Variants in SP100 observed in about 807,000 individuals in gnomAD.
The protein encoded by SP100 is SP100 nuclear body protein, also known as nuclear autoantigen Sp-100.
SP100 carries 84 observed loss-of-function variants against 130.0 expected under a neutral mutation model. The ratio of observed to expected loss-of-function variants is 0.65; its 90% CI spans 0.54 to 0.77. The LOEUF is 0.77. Among genes scored for constraint, SP100 ranks in the 30% least tolerant of loss-of-function variants. The probability of loss-of-function intolerance (pLI) is 0.00; values close to 1 mark genes in which losing one functional copy is unlikely to be tolerated. For synonymous variants in SP100, 331 were observed against 351.7 expected, an observed-to-expected ratio of 0.94 and a Z score of 0.66; for missense variants, 978 against 1,052.2, an observed-to-expected ratio of 0.93 and a Z score of 0.97.
intron 17 of SP100, among the ~76,000 whole-genome samples, chr2:230,485,726 G>A (rs1160864784): frequency 6.6e-6 from 1 of 152,096 alleles, no homozygotes; most frequent in African/African-American, 2.4e-5. Context: ...TTGTATACAT[G>A]ATAAAATGTT....
At chr2:230,508,311 C>A in intron 23 of SP100, 2 of 146,854 alleles carry the variant, frequency 1.4e-5, no homozygotes, top group Non-Finnish European at 2.5e-5. Flanking sequence ...AAATGCCATA[C>A]TTTTTTTTTT....
Position 230,541,368 on chromosome 2 carries a change from A to C in SP100, c.2399A>C (p.Tyr800Ser), listed in dbSNP as rs373424263. ...AGCTGCTTTTTCGCCTCAGAACCGT[A>C]TTATGTAAGTAACAGCCAAACAAAA... is the stretch of plus-strand genomic sequence containing the variant. ...SKSCFFASEPYYNREGSQGPQ... is the reference protein window; with the variant it reads ...SKSCFFASEPSYNREGSQGPQ... Residue 800 changes from tyrosine (Y) to serine (S), a missense_variant, in exon 27 of 29, where the codon TAT becomes TCT. Physicochemically the swap from Tyr to Ser is moderately radical, Grantham distance 144. Transcript: ENST00000340126. 1.9e-6 allele frequency: 3 copies of C among 1,612,858 alleles called. No homozygotes were observed. Among genetic ancestry groups the C allele is most frequent in the Non-Finnish European group, 2.5e-6 (3 of 1,179,030 alleles).
chr2:230,436,159 T>C lies in SP100; in HGVS notation c.108-6778T>C, dbSNP rs985070070. On this transcript the variant is annotated intron_variant, in intron 2 of 28. Coordinates refer to ENST00000340126, the MANE Select transcript of SP100 (RefSeq NM_001080391.2). Reference sequence around the variant, plus strand: ...TTAGATCTTATTTAATTTTCTTCAATAAGATTTTTATAGTTTTCTTCATAC... The same window carrying C: ...TTAGATCTTATTTAATTTTCTTCAACAAGATTTTTATAGTTTTCTTCATAC... Among the ~76,000 whole-genome samples the C allele has an allele frequency of 6.6e-5, 10 of 152,350 alleles. No homozygotes were observed. The South Asian group carries it at 1.0e-3, about 16-fold the overall frequency.
rs749061914 is a variant in SP100 at position 230,543,890 on chromosome 2, G to A, written c.*944G>A. 18 of 151,988 alleles carry A rather than the reference G, an allele frequency of 1.2e-4. No individual in the cohort carries two copies. The highest frequency in any genetic ancestry group is 2.1e-4 in the Non-Finnish European group (14 of 68,000). The allele number at this position is 151,988 out of a possible 1,614,324, so 9.4% of individuals were successfully genotyped here. ...AAAAGAACAAAGCTGAAGGCATCACGTTACCCCACTTCAAACTATATTACA... is the reference window on the plus strand; with the variant it reads ...AAAAGAACAAAGCTGAAGGCATCACATTACCCCACTTCAAACTATATTACA... On this transcript the variant is annotated 3_prime_UTR_variant, in exon 29 of 29. Transcript: ENST00000340126.
At chr2:230,511,047 TAAA>T in intron 23 of SP100, 75 bp from the exon 24 acceptor site, 2 of 968,222 alleles carry the variant, frequency 2.1e-6, no homozygotes, top group South Asian at 2.6e-5. Flanking sequence ...CCCTTAAAAA[TAAA>T]GAAGTCTGTT....
chr2:230,525,968 G>A (rs1678152), intron 24 of SP100, among the ~76,000 whole-genome samples: 24,834 of 152,232 alleles, frequency 0.16, 2,451 homozygotes, highest in Non-Finnish European at 0.22. Context: ...TTCCACCTAT[G>A]GGGGCAGGGC....
intron 17 of SP100, among the ~76,000 whole-genome samples, chr2:230,477,643 G>T (rs2065624498): frequency 6.6e-6 from 1 of 152,158 alleles, no homozygotes; most frequent in Middle Eastern, 3.4e-3. Context: ...TTTTGTAATT[G>T]AAGGCACTAC....
Position 230,530,597 on chromosome 2 carries a change from AG to A in SP100, c.2095-8669del, listed in dbSNP as rs528771697. Reference sequence around the variant, plus strand: ...AGACAAATGGGTTCTAATTAAATAAAGAGCTTCTGCACAGCAAAAGAACCTA... The same window carrying A: ...AGACAAATGGGTTCTAATTAAATAAAAGCTTCTGCACAGCAAAAGAACCTA... On this transcript the variant is annotated intron_variant, in intron 24 of 28. Transcript: ENST00000340126. 5.3e-5 allele frequency among the ~76,000 whole-genome samples: 8 copies of A among 152,352 alleles called. No homozygotes were observed. The South Asian group carries it at 1.4e-3, about 28-fold the overall frequency.
rs1009909662 is a variant in SP100, at chr2:230,444,064, A to G, written c.271-114A>G. 10 of 766,086 alleles carry G rather than the reference A, an allele frequency of 1.3e-5. No individual in the cohort carries two copies. In the Admixed American group the frequency reaches 2.2e-4, roughly 17 times the overall value. 47.5% of individuals were successfully genotyped at this position (766,086 alleles called of 1,614,324 possible). ...ATAAGTAAAAATTATAGAACCTCAC[A>G]TGAAAATACCTACGTAGAGAAATTA... On this transcript the variant is annotated intron_variant, in intron 3 of 28. Transcript: ENST00000340126.
intron 24 of SP100, chr2:230,515,570 AAAAG>A (rs752347836): frequency 8.8e-6 from 14 of 1,599,458 alleles, no homozygotes; most frequent in African/African-American, 2.7e-5. Flanking sequence ...AAAAGCAAGA[AAAAG>A]AAGGAAGAGG....
intron 17 of SP100, among the ~76,000 whole-genome samples, chr2:230,492,039 G>A (rs534477972): frequency 6.6e-6 from 1 of 151,874 alleles, no homozygotes; most frequent in Non-Finnish European, 1.5e-5. Context: ...TGATTCCTTT[G>A]GTGCTCTATT....
chr2:230,508,036 T>C lies in SP100; in HGVS notation c.2052+5T>C, dbSNP rs59761827. On this transcript the variant is annotated splice_donor_5th_base_variant and intron_variant, in intron 23 of 28. Transcript: ENST00000340126. Reference sequence around the variant, plus strand: ...CCACCAAGCACAAGAAAAAAGGTGATGATCAAGTGATCTTCTGCCAATGTC... The same window carrying C: ...CCACCAAGCACAAGAAAAAAGGTGACGATCAAGTGATCTTCTGCCAATGTC... The C allele has an allele frequency of 6.5e-3, 10,519 of 1,613,040 alleles. 588 individuals carry two copies. In the African/African-American group the frequency reaches 0.12, roughly 19 times the overall value.
chr2:230,447,625 C>G (rs1384567651), intron 5 of SP100, among the ~76,000 whole-genome samples: 1 of 152,092 alleles, frequency 6.6e-6, no homozygotes, highest in East Asian at 1.9e-4. Flanking sequence ...GGATACAACT[C>G]AAGAAGAGCC....
chr2:230,433,563 G>C (rs2063159159), intron 2 of SP100, among the ~76,000 whole-genome samples: 1 of 152,010 alleles, frequency 6.6e-6, no homozygotes, highest in African/African-American at 2.4e-5. Flanking sequence ...ATCATACTGA[G>C]TCTCTAGATC....
chr2:230,513,464 T>G (rs1373099910), intron 24 of SP100, among the ~76,000 whole-genome samples: 1 of 152,148 alleles, frequency 6.6e-6, no homozygotes, highest in Non-Finnish European at 1.5e-5. Context: ...GCCTGTTTAC[T>G]TTTAAACTAA....
At chr2:230,504,740 T>C (rs1488486438) in intron 21 of SP100, among the ~76,000 whole-genome samples, 2 of 152,192 alleles carry the variant, frequency 1.3e-5, no homozygotes, top group African/African-American at 2.4e-5. Flanking sequence ...GTGTTCAGCA[T>C]AAACCATATC....
chr2:230,447,049 C>T (rs2063742614), intron 5 of SP100, 147 bp downstream of exon 5: 1 of 572,658 alleles, frequency 1.7e-6, no homozygotes, highest in Admixed American at 3.2e-5. Context: ...GGTGCAGGGT[C>T]CTGGAGAAGT....
chr2:230,449,196 C>T (rs2063846315), intron 6 of SP100, 46 bp downstream of exon 6: 2 of 1,604,298 alleles, frequency 1.2e-6, no homozygotes, highest in Non-Finnish European at 1.7e-6. Flanking sequence ...ATTCTTGCCC[C>T]TTTCTGGAAT....
intron 9 of SP100, among the ~76,000 whole-genome samples, chr2:230,461,901 A>G (rs1027907849): frequency 3.9e-5 from 6 of 152,060 alleles, no homozygotes; most frequent in African/African-American, 1.4e-4. Context: ...GTGAGCCAAG[A>G]TTCCGCCACT....
Sources: gnomAD v4.1 joint callset for allele counts (sites outside exome capture counted in the v4.1 genomes callset) on GRCh38, gnomAD v4.1.1 for gene constraint, MANE v1.5 for transcripts, NCBI Gene and HGNC (gene_info 2026-07-23, HGNC 2026-07-21) for gene names.